Variants in PRR12 observed in about 807,000 individuals in gnomAD.
PRR12 encodes proline-rich protein 12.
PRR12 carries 12 observed loss-of-function variants against 138.0 expected under a neutral mutation model. The ratio of observed to expected loss-of-function variants is 0.09; its 90% CI spans 0.06 to 0.14. The LOEUF (loss-of-function observed/expected upper bound fraction) is 0.14, where lower values mean the gene tolerates loss of function less well. Among genes scored for constraint, PRR12 ranks in the 10% least tolerant of loss-of-function variants. PRR12 has a pLI of 1.00. For synonymous variants in PRR12, 1,567 were observed against 1,291.7 expected (o/e 1.21, Z -4.57); for missense variants, 2,692 against 2,861.3 (o/e 0.94, Z 1.35).
In PRR12 at chr19:49,595,535, C is replaced by T. The variant is rs775705040; in HGVS notation, c.1200C>T (p.Ala400=). 2.1e-5 allele frequency: 33 copies of T among 1,578,680 alleles called. No individual in the cohort carries two copies. The highest frequency in any genetic ancestry group is 4.7e-5 in the East Asian group (2 of 42,938). The part of the protein sequence containing the change: ...KTGKGGYGAA[A]GGATRPPPPR... ...GCAAAGGTGGTTATGGAGCAGCTGC[C>T]GGGGGTGCCACCAGGCCCCCCCCAC... The change falls in exon 4 of 14, where the codon GCC becomes GCT. Residue 400 remains alanine, a synonymous_variant. Coordinates refer to ENST00000418929, the MANE Select transcript of PRR12 (RefSeq NM_020719.3).
rs1352772029 is a variant in PRR12 at position 49,595,946 on chromosome 19, T to G, written c.1611T>G (p.His537Gln). 1 of 1,601,038 alleles carries G rather than the reference T, an allele frequency of 6.2e-7. No homozygotes were observed. Among genetic ancestry groups the G allele is most frequent in the East Asian group, 2.2e-5 (1 of 44,862 alleles). ...CCTCGCTCAGCTACAGTACCGGCCATTCCCCAGCGCTCTCGGGCCATGGGG... is the reference window on the plus strand; with the variant it reads ...CCTCGCTCAGCTACAGTACCGGCCAGTCCCCAGCGCTCTCGGGCCATGGGG... ...ASPSLSYSTG[H>Q]SPALSGHGGG... Residue 537 changes from histidine to glutamine, a missense_variant, in exon 4 of 14, where the codon CAT (histidine) becomes CAG (glutamine). His to Gln is a conservative substitution (Grantham distance 24). Transcript: ENST00000418929.
rs1251705715 is a variant in PRR12, at chr19:49,595,270, A to C, written c.935A>C (p.His312Pro). Reference protein sequence around the residue: ...PPPPPAHALQHYLSCGGSYPS... With the variant: ...PPPPPAHALQPYLSCGGSYPS... ...CCGCCACCAGCCCATGCGCTCCAGC[A>C]CTATCTGAGCTGTGGAGGCAGCTAC... Residue 312 changes from histidine to proline, a missense_variant, in exon 4 of 14, where the codon CAC becomes CCC. Coordinates refer to ENST00000418929, the MANE Select transcript of PRR12 (RefSeq NM_020719.3). The C allele has an allele frequency of 6.5e-7, 1 of 1,545,126 alleles. No homozygotes were observed. Among genetic ancestry groups the C allele is most frequent in the Non-Finnish European group, 8.7e-7 (1 of 1,146,382 alleles).
At position 49,597,821 on chromosome 19, in the gene PRR12, G is replaced by T; in HGVS notation, c.3486G>T (p.Ala1162=). ...PRRRGRKPTK[A]KRDGPPRPRG... is the part of the protein sequence containing the mutation. ...GCCGTGGCCGCAAGCCCACGAAGGCGAAACGTGATGGGCCACCCCGGCCAC... is the reference window on the plus strand; with the variant it reads ...GCCGTGGCCGCAAGCCCACGAAGGCTAAACGTGATGGGCCACCCCGGCCAC... The change falls in exon 4 of 14, where the codon GCG becomes GCT. Residue 1162 remains alanine, a synonymous_variant. Transcript: ENST00000418929. The surrounding 1 kb of genome is among the most constrained non-coding windows in gnomAD (Gnocchi z 6.3). 1 of 1,537,070 alleles carries T rather than the reference G, an allele frequency of 6.5e-7. No individual in the cohort carries two copies. The highest frequency in any genetic ancestry group is 2.3e-5 in the East Asian group (1 of 42,732).
intron 8 of PRR12, among the ~76,000 whole-genome samples, chr19:49,615,472 TAGAG>T (rs2080887019): frequency 1.1e-5 from 1 of 93,956 alleles, no homozygotes; most frequent in Admixed American, 1.2e-4. Context: ...GGGAGGGGAA[TAGAG>T]ACCCAGAGAG....
rs111493548 is a variant in PRR12 at position 49,605,733 on chromosome 19, C to T, written c.4773+3815C>T. Among the ~76,000 whole-genome samples the T allele has an allele frequency of 4.4e-3, 666 of 152,386 alleles. 5 individuals are homozygous for T. The highest frequency in any genetic ancestry group is 0.016 in the African/African-American group (649 of 41,590). Reference sequence around the variant, plus strand: ...AGAGAAAGGGAGTCAGTCGCCTGGCCAGTGCCAACCTGGGATTGGAGCCAG... The same window carrying T: ...AGAGAAAGGGAGTCAGTCGCCTGGCTAGTGCCAACCTGGGATTGGAGCCAG... On this transcript the variant is annotated intron_variant, in intron 6 of 13. Transcript: ENST00000418929.
chr19:49,601,293 A>G (rs564277622), intron 5 of PRR12, among the ~76,000 whole-genome samples, 198 bp from the exon 6 acceptor site: 1 of 151,916 alleles, frequency 6.6e-6, no homozygotes, highest in Admixed American at 6.5e-5. Flanking sequence ...GGGATTAGGG[A>G]TAGGAGACAG....
In PRR12 at chr19:49,601,536, C is replaced by T. The variant is rs1362246091; in HGVS notation, c.4391C>T (p.Ala1464Val). 1 of 1,539,850 alleles carries T rather than the reference C, an allele frequency of 6.5e-7. No homozygotes were observed. The highest frequency in any genetic ancestry group is 2.0e-5 in the Admixed American group (1 of 50,738). ...EEKPPPTPPP[A>V]PTPQPQPPPP... ...AAACCCCCACCCACTCCACCTCCTG[C>T]CCCGACTCCTCAGCCTCAGCCTCCG... Residue 1464 changes from alanine to valine, a missense_variant, in exon 6 of 14, where the codon GCC becomes GTC. Ala to Val is a moderately conservative substitution (Grantham distance 64). Around this residue, in one of 11 missense-constraint regions of PRR12, gnomAD observed 231 missense variants for 200.8 expected, o/e 1.15. Transcript: ENST00000418929.
rs950009982 is a variant in PRR12 at position 49,616,684 on chromosome 19, A to G, written c.5497+465A>G. On this transcript the variant is annotated intron_variant, in intron 9 of 13. Transcript: ENST00000418929. This position sits in a 1 kb window ranked among gnomAD's most constrained non-coding sequence, Gnocchi z 4.2. ...CTGTGAGGCCCTGGGTGACCCTGAG[A>G]AAGAGGCATAACCTCTTGTGCCTTA... Among the ~76,000 whole-genome samples the G allele has an allele frequency of 6.6e-6, 1 of 152,134 alleles. No individual in the cohort carries two copies. Among genetic ancestry groups the G allele is most frequent in the Non-Finnish European group, 1.5e-5 (1 of 68,030 alleles).
At chr19:49,611,004 G>A (rs1278886905) in intron 6 of PRR12, among the ~76,000 whole-genome samples, 2 of 148,814 alleles carry the variant, frequency 1.3e-5, no homozygotes, top group African/African-American at 4.9e-5. Context: ...CATCATGCCC[G>A]GCTAATTTTT....
chr19:49,621,670 G>GTCTTCTCCATGT, intron 11 of PRR12, 48 bp downstream of exon 11: 1 of 1,444,486 alleles, frequency 6.9e-7, no homozygotes, highest in Non-Finnish European at 9.5e-7. Flanking sequence ...GGGTCCACAT[G>GTCTTCTCCATGT]GAGAAGACAT....
Position 49,595,640 on chromosome 19 carries a change from T to A in PRR12, c.1305T>A (p.Ala435=). The A allele has an allele frequency of 6.2e-7, 1 of 1,605,812 alleles. No homozygotes were observed. Among genetic ancestry groups the A allele is most frequent in the Non-Finnish European group, 8.5e-7 (1 of 1,176,842 alleles). The change falls in exon 4 of 14, where the codon GCT becomes GCA. Residue 435 remains alanine, a synonymous_variant. Coordinates refer to ENST00000418929, the MANE Select transcript of PRR12 (RefSeq NM_020719.3). ...ATGCCACTGGGAAGGCCTCTGGGGC[T>A]GGAGGGGCAGGGGGCCAGGCTTATT... ...AAYATGKASG[A]GGAGGQAYSP...
At chr19:49,600,541 A>G (rs1002802629) in intron 5 of PRR12, among the ~76,000 whole-genome samples, 2 of 151,392 alleles carry the variant, frequency 1.3e-5, no homozygotes, top group Non-Finnish European at 2.9e-5. Flanking sequence ...ATCCTAGCAC[A>G]CTTTGGGAGG....
chr19:49,599,701 C>T lies in PRR12; in HGVS notation c.4108C>T (p.Leu1370=), dbSNP rs779938432. The change falls in exon 5 of 14, where the codon CTG becomes TTG. Residue 1370 remains leucine (L), a synonymous_variant. Coordinates refer to ENST00000418929, the MANE Select transcript of PRR12 (RefSeq NM_020719.3). This position sits in a 1 kb window ranked among gnomAD's most constrained non-coding sequence, Gnocchi z 5.0. ...ACCCTGCAAGCGGCTTGATGAGGAG[C>T]TGAAGCGGAACCTCGAGACGCTGCC... ...PSPCKRLDEE[L]KRNLETLPSF... is the part of the protein sequence containing the mutation. 3.1e-6 allele frequency: 5 copies of T among 1,613,534 alleles called. No individual in the cohort carries two copies. The highest frequency in any genetic ancestry group is 4.2e-6 in the Non-Finnish European group (5 of 1,179,860).
chr19:49,591,789 C>G, intron 1 of PRR12, 49 bp downstream of exon 1: 1 of 1,225,994 alleles, frequency 8.2e-7, no homozygotes, highest in Non-Finnish European at 1.1e-6. Context: ...GGTGGGAGCC[C>G]AGCCGGGCCG....
intron 6 of PRR12, among the ~76,000 whole-genome samples, chr19:49,603,697 C>T (rs867157048): frequency 2.0e-5 from 3 of 151,296 alleles, no homozygotes; most frequent in Middle Eastern, 3.4e-3. Flanking sequence ...GACTCCATCT[C>T]GAAAAAATAA....
In PRR12 at chr19:49,612,041, G is replaced by A. The variant is rs139130594; in HGVS notation, c.4774-2492G>A. 1.7e-3 allele frequency among the ~76,000 whole-genome samples: 265 copies of A among 151,734 alleles called. 3 individuals carry two copies. The East Asian group carries it at 0.049, about 28-fold the overall frequency. On this transcript the variant is annotated intron_variant, in intron 6 of 13. Coordinates refer to ENST00000418929, the MANE Select transcript of PRR12 (RefSeq NM_020719.3). Reference sequence around the variant, plus strand: ...AGGTCAAGAGATCGAGACCATCCTGGCCAACATGGTGAAACCCCGTCTCCA... The same window carrying A: ...AGGTCAAGAGATCGAGACCATCCTGACCAACATGGTGAAACCCCGTCTCCA...
rs140782817 is a variant in PRR12, at chr19:49,592,727, A to G, written c.87-600A>G. 3.4e-3 allele frequency among the ~76,000 whole-genome samples: 521 copies of G among 151,246 alleles called. 7 individuals carry two copies. The highest frequency in any genetic ancestry group is 0.012 in the African/African-American group (504 of 41,208). On this transcript the variant is annotated intron_variant, in intron 1 of 13. Coordinates refer to ENST00000418929, the MANE Select transcript of PRR12 (RefSeq NM_020719.3). Reference sequence around the variant, plus strand: ...CATGGGCCCATGCATTTGAACCTCAACCCCCGGGGATGGTCGGTGTTCTTG... The same window carrying G: ...CATGGGCCCATGCATTTGAACCTCAGCCCCCGGGGATGGTCGGTGTTCTTG...
chr19:49,602,241 AG>A (rs746461783), intron 6 of PRR12, among the ~76,000 whole-genome samples: 5 of 152,162 alleles, frequency 3.3e-5, no homozygotes, highest in Non-Finnish European at 7.4e-5. Flanking sequence ...TGGGTGGTAG[AG>A]GACCAGTACT....
chr19:49,615,783 G>A lies in PRR12; in HGVS notation c.5061G>A (p.Gly1687=). ...AGGCCAAGAACCCCGTATCTGCTGG[G>A]GGTAGCTCTGCACCTCCCCCTAAGG... ...SGQAKNPVSA[G]GSSAPPPKAP... The change falls in exon 9 of 14, where the codon GGG becomes GGA. Residue 1687 remains glycine (G), a synonymous_variant. Transcript: ENST00000418929. The A allele has an allele frequency of 6.2e-7, 1 of 1,612,990 alleles. No homozygotes were observed. Among genetic ancestry groups the A allele is most frequent in the Non-Finnish European group, 8.5e-7 (1 of 1,179,524 alleles).
Sources: allele counts gnomAD v4.1 joint callset (sites outside exome capture counted in the v4.1 genomes callset), GRCh38; gene constraint gnomAD v4.1.1; regional missense constraint gnomAD v4.1.1; non-coding constraint Gnocchi (gnomAD v3.1); transcripts MANE v1.5; gene names NCBI Gene and HGNC (gene_info 2026-07-23, HGNC 2026-07-21).